CMYA5: variants seen among roughly 807,000 people sequenced by gnomAD.
CMYA5 encodes the protein cardiomyopathy associated 5.
A neutral mutation model predicts 318.9 loss-of-function variants in CMYA5; 246 were observed. The observed-to-expected ratio is 0.77, with a 90% CI of 0.70 to 0.86. The LOEUF is 0.86. Among genes scored for constraint, CMYA5 ranks in the 40% least tolerant of loss-of-function variants. The pLI is 0.00. For synonymous variants in CMYA5, 1,641 were observed against 1,729.5 expected (o/e 0.95, Z 1.27); for missense variants, 4,589 against 4,678.2 (o/e 0.98, Z 0.56).
rs202168717 is a variant in CMYA5, at chr5:79,752,727, G to A, written c.11043G>A (p.Ala3681=). 58 of 1,613,556 alleles carry A rather than the reference G, an allele frequency of 3.6e-5. No homozygotes were observed. The highest frequency in any genetic ancestry group is 1.6e-4 in the Middle Eastern group (1 of 6,082). Reference sequence around the variant, plus strand: ...CTTCTTTAGAGAAAATGCCTGCTGCGTTTTCCCTTTTCGAACATTATGATG... The same window carrying A: ...CTTCTTTAGAGAAAATGCCTGCTGCATTTTCCCTTTTCGAACATTATGATG... ...STASLEKMPA[A]FSLFEHYDDS... The change falls in exon 6 of 13, where the codon GCG becomes GCA. Residue 3681 remains alanine (A), a synonymous_variant. Transcript: ENST00000446378.
intron 9 of CMYA5, among the ~76,000 whole-genome samples, chr5:79,784,663 TG>T (rs1829047979): frequency 8.8e-6 from 1 of 113,286 alleles, no homozygotes; most frequent in Non-Finnish European, 1.8e-5. Context: ...AATATTCGGG[TG>T]GGAGTGACCC....
chr5:79,790,431 G>A (rs898508969), intron 10 of CMYA5, among the ~76,000 whole-genome samples: 7 of 152,108 alleles, frequency 4.6e-5, no homozygotes, highest in Non-Finnish European at 8.8e-5. Context: ...CACCATGCCT[G>A]GCTAATTTTT....
Position 79,732,467 on chromosome 5 carries a change from AG to A in CMYA5, c.3703del (p.Glu1235SerfsTer4). Reference protein sequence around the residue: ...KMEPQPPNVPESEMKYSVLPD... With the variant: ...KMEPQPPNVPXSEMKYSVLPD... ...TGGAGCCTCAGCCTCCAAATGTTCC[AG>A]AGTCTGAGATGAAATATTCAGTTTT... On this transcript the variant is annotated frameshift_variant, in exon 2 of 13. Transcript: ENST00000446378. LOFTEE classifies it high-confidence loss of function. 1 of 1,613,224 alleles carries A rather than the reference AG, an allele frequency of 6.2e-7. No homozygotes were observed. Among genetic ancestry groups the A allele is most frequent in the South Asian group, 1.1e-5 (1 of 90,864 alleles).
intron 9 of CMYA5, among the ~76,000 whole-genome samples, chr5:79,766,315 A>G (rs1314709003): frequency 6.6e-6 from 1 of 152,078 alleles, no homozygotes; most frequent in Non-Finnish European, 1.5e-5. Flanking sequence ...GTTAGCCAGG[A>G]TGGTCTCAAT....
At chr5:79,786,172 A>T (rs1829078209) in intron 9 of CMYA5, among the ~76,000 whole-genome samples, 1 of 152,204 alleles carries the variant, frequency 6.6e-6, no homozygotes, top group Non-Finnish European at 1.5e-5. Context: ...ATGCTCTGTG[A>T]TAAGTTTCAG....
At chr5:79,790,545 AGGCGTGAGCCACCTCACCC>A (rs1185553450) in intron 10 of CMYA5, among the ~76,000 whole-genome samples, 1 of 152,242 alleles carries the variant, frequency 6.6e-6, no homozygotes, top group East Asian at 1.9e-4. Context: ...CTGGGATTAC[AGGCGTGAGCCACCTCACCC>A]GGCCTGTATC....
chr5:79,723,246 C>G (rs1334689094), intron 1 of CMYA5, among the ~76,000 whole-genome samples: 1 of 151,908 alleles, frequency 6.6e-6, no homozygotes, highest in Non-Finnish European at 1.5e-5. Flanking sequence ...TGAGACCAGC[C>G]TGGCCAACAT....
intron 9 of CMYA5, among the ~76,000 whole-genome samples, chr5:79,765,120 A>C (rs978608233): frequency 7.2e-5 from 11 of 152,254 alleles, no homozygotes; most frequent in Non-Finnish European, 1.5e-4. Context: ...TTATGGTTTT[A>C]GGTCTTACGT....
chr5:79,691,895 G>T (rs1189449478), intron 1 of CMYA5, among the ~76,000 whole-genome samples: 3 of 152,204 alleles, frequency 2.0e-5, no homozygotes, highest in Non-Finnish European at 4.4e-5. Context: ...GTTTGGTCCA[G>T]AAAGGTGGGA....
chr5:79,730,134 C>G lies in CMYA5; in HGVS notation c.1369C>G (p.Gln457Glu). The G allele has an allele frequency of 8.1e-6, 13 of 1,613,854 alleles. No homozygotes were observed. The highest frequency in any genetic ancestry group is 1.1e-5 in the Non-Finnish European group (13 of 1,179,896). The change falls in exon 2 of 13, where the codon CAG becomes GAG. Residue 457 changes from glutamine (Q) to glutamate (E), a missense_variant. Around this residue, in one of 3 missense-constraint regions of CMYA5, gnomAD observed 2,132 missense variants for 2,131.3 expected, o/e 1.00. Transcript: ENST00000446378. ...TQDGLDPDQE[Q>E]PDLTSIERAE... is the part of the protein sequence containing the mutation. ...GGATGGTTTGGACCCAGACCAAGAACAGCCGGACCTGACTTCAATAGAAAG... is the reference window on the plus strand; with the variant it reads ...GGATGGTTTGGACCCAGACCAAGAAGAGCCGGACCTGACTTCAATAGAAAG...
chr5:79,776,631 T>C (rs1828944226), intron 9 of CMYA5, among the ~76,000 whole-genome samples: 1 of 152,188 alleles, frequency 6.6e-6, no homozygotes, highest in African/African-American at 2.4e-5. Flanking sequence ...AGATCTAATA[T>C]GCCCAGGCAG....
Position 79,730,758 on chromosome 5 carries a change from C to T in CMYA5, c.1993C>T (p.Gln665Ter). Residue 665 changes from glutamine (Q) to a stop codon, truncating the protein, a stop_gained, in exon 2 of 13, where the codon CAG becomes TAG. Transcript: ENST00000446378. LOFTEE classifies it high-confidence loss of function. ...PSTTEKTSEN[Q>*]SPLFSTVTPE... is the part of the protein sequence containing the mutation. The stretch of plus-strand genomic sequence containing the variant: ...CACAACTGAGAAGACTTCAGAGAAC[C>T]AGTCTCCACTGTTTTCAACAGTTAC... 1.9e-6 allele frequency: 3 copies of T among 1,613,860 alleles called. No individual in the cohort carries two copies. The highest frequency in any genetic ancestry group is 1.7e-6 in the Non-Finnish European group (2 of 1,179,842).
rs372893220 is a variant in CMYA5 at position 79,791,059 on chromosome 5, C to T, written c.11779C>T (p.Arg3927Trp). The change falls in exon 11 of 13, where the codon CGG becomes TGG. Residue 3927 changes from arginine (R) to tryptophan (W), a missense_variant. Physicochemically the swap from Arg to Trp is moderately radical, Grantham distance 101 (BLOSUM62 -3). Transcript: ENST00000446378. ...GTVISFGERRRLTEIPSVLGE... is the reference protein window; with the variant it reads ...GTVISFGERRWLTEIPSVLGE... ...AGTGATCAGCTTTGGTGAGAGGAGA[C>T]GGCTGACGGAGTAAGTAGAAGAAGA... The T allele has an allele frequency of 8.1e-5, 131 of 1,611,918 alleles. No individual in the cohort carries two copies. Among genetic ancestry groups the T allele is most frequent in the South Asian group, 1.9e-4 (17 of 90,882 alleles).
At chr5:79,773,007 C>T (rs1196030112) in intron 9 of CMYA5, among the ~76,000 whole-genome samples, 1 of 152,178 alleles carries the variant, frequency 6.6e-6, no homozygotes, top group Admixed American at 6.5e-5. Context: ...CAAACAATTC[C>T]TCCTTTTTGT....
rs371801510 is a variant in CMYA5, at chr5:79,737,252, C to G, written c.8487C>G (p.Asn2829Lys). The change falls in exon 2 of 13, where the codon AAC becomes AAG. Residue 2829 changes from asparagine (N) to lysine (K), a missense_variant. Asn to Lys is a moderately conservative substitution (Grantham distance 94). Transcript: ENST00000446378. ...TLASGASPEINAVKKKEMPRS... is the reference protein window; with the variant it reads ...TLASGASPEIKAVKKKEMPRS... ...CTTCAGGAGCTTCTCCAGAAATTAA[C>G]GCAGTGAAGAAAAAAGAAATGCCAC... is the stretch of plus-strand genomic sequence containing the variant. 7.4e-6 allele frequency: 12 copies of G among 1,613,710 alleles called. No individual in the cohort carries two copies. The Admixed American group carries it at 1.5e-4, about 20-fold the overall frequency.
chr5:79,690,218 C>T (rs1826938556), intron 1 of CMYA5, among the ~76,000 whole-genome samples, 162 bp downstream of exon 1: 1 of 152,136 alleles, frequency 6.6e-6, no homozygotes, highest in Admixed American at 6.5e-5. Context: ...TGAAGGTGCT[C>T]GCTGTCAGCT....
At chr5:79,774,162 C>T (rs1428968853) in intron 9 of CMYA5, among the ~76,000 whole-genome samples, 3 of 152,162 alleles carry the variant, frequency 2.0e-5, no homozygotes, top group Admixed American at 6.5e-5. Context: ...AGTTACATGA[C>T]GCAGTGTCTG....
intron 9 of CMYA5, among the ~76,000 whole-genome samples, chr5:79,771,343 C>T (rs1163553576): frequency 2.6e-5 from 4 of 152,140 alleles, no homozygotes; most frequent in East Asian, 1.9e-4. Context: ...TGAGAAGAAC[C>T]CTGTATCAGA....
intron 5 of CMYA5, among the ~76,000 whole-genome samples, chr5:79,750,042 A>G (rs1828402333): frequency 6.6e-6 from 1 of 151,316 alleles, no homozygotes; most frequent in Non-Finnish European, 1.5e-5. Flanking sequence ...TCGGTGTGAT[A>G]CCATAAACCT....
Sources: gnomAD v4.1 joint callset for allele counts (sites outside exome capture counted in the v4.1 genomes callset) on GRCh38, gnomAD v4.1.1 for gene constraint, gnomAD v4.1.1 regional missense constraint, MANE v1.5 for transcripts, NCBI Gene and HGNC (gene_info 2026-07-23, HGNC 2026-07-21) for gene names.